CTNNA3: variants seen among roughly 807,000 people sequenced by gnomAD.
CTNNA3 encodes catenin alpha-3.
In CTNNA3, 76 loss-of-function variants were observed where a neutral mutation model predicts 95.7. The ratio of observed to expected loss-of-function variants is 0.79; its 90% CI spans 0.66 to 0.96. The LOEUF (loss-of-function observed/expected upper bound fraction) is 0.96, where lower values mean the gene tolerates loss of function less well. Among genes scored for constraint, CTNNA3 ranks in the 40% least tolerant of loss-of-function variants. The probability of loss-of-function intolerance (pLI) is 0.00; values close to 1 mark genes in which losing one functional copy is unlikely to be tolerated. For synonymous variants in CTNNA3, 431 were observed against 374.4 expected, an observed-to-expected ratio of 1.15 and a Z score of -1.74; for missense variants, 1,191 against 1,089.8, an observed-to-expected ratio of 1.09 and a Z score of -1.31.
At chr10:66,034,588 G>A (rs1055973431) in intron 15 of CTNNA3, among the ~76,000 whole-genome samples, 5 of 152,066 alleles carry the variant, frequency 3.3e-5, no homozygotes, top group African/African-American at 1.2e-4. Flanking sequence ...ACCTTTATTT[G>A]TATAATTTCT....
At chr10:66,782,008 A>C (rs1840555679) in intron 7 of CTNNA3, among the ~76,000 whole-genome samples, 1 of 152,160 alleles carries the variant, frequency 6.6e-6, no homozygotes, top group African/African-American at 2.4e-5. Context: ...TAAACTCAAT[A>C]TATCTGTTAT....
At chr10:67,398,963 A>G (rs1844816491) in intron 5 of CTNNA3, among the ~76,000 whole-genome samples, 1 of 152,208 alleles carries the variant, frequency 6.6e-6, no homozygotes, top group South Asian at 2.1e-4. Flanking sequence ...TTTCCTTCAT[A>G]AATTACCCAG....
chr10:66,804,340 C>G (rs1157439169), intron 7 of CTNNA3, among the ~76,000 whole-genome samples: 1 of 151,818 alleles, frequency 6.6e-6, no homozygotes, highest in African/African-American at 2.4e-5. Flanking sequence ...CTCCAGCTGC[C>G]CCAGTGCCTC....
chr10:65,925,014 A>G (rs1038711598), intron 17 of CTNNA3, among the ~76,000 whole-genome samples: 4 of 152,164 alleles, frequency 2.6e-5, no homozygotes, highest in Admixed American at 2.0e-4. Flanking sequence ...CCCATGACAC[A>G]TGGGGATTAC....
At chr10:66,066,795 A>T (rs1249383081) in intron 15 of CTNNA3, among the ~76,000 whole-genome samples, 2 of 152,202 alleles carry the variant, frequency 1.3e-5, no homozygotes, top group African/African-American at 4.8e-5. Context: ...ATAAAACAAA[A>T]CAAAGACAAA....
chr10:67,149,550 A>G (rs1860999236), intron 7 of CTNNA3, among the ~76,000 whole-genome samples: 1 of 152,150 alleles, frequency 6.6e-6, no homozygotes, highest in African/African-American at 2.4e-5. Flanking sequence ...GCGCCACTGC[A>G]CTCCAGCCTG....
At chr10:66,679,475 G>A (rs1281399473) in intron 9 of CTNNA3, among the ~76,000 whole-genome samples, 1 of 152,158 alleles carries the variant, frequency 6.6e-6, no homozygotes, top group Non-Finnish European at 1.5e-5. Context: ...GGTAGAAACA[G>A]GAGTCTGTAG....
At chr10:66,606,654 T>A (rs1844132580) in intron 10 of CTNNA3, among the ~76,000 whole-genome samples, 1 of 152,066 alleles carries the variant, frequency 6.6e-6, no homozygotes, top group African/African-American at 2.4e-5. Flanking sequence ...ATTACATGAA[T>A]AACCTACTCC....
intron 15 of CTNNA3, among the ~76,000 whole-genome samples, chr10:66,062,298 C>A (rs1397548135): frequency 6.6e-6 from 1 of 151,922 alleles, no homozygotes; most frequent in Non-Finnish European, 1.5e-5. Flanking sequence ...GCTATTTTTT[C>A]TTTTATTATT....
intron 13 of CTNNA3, among the ~76,000 whole-genome samples, chr10:66,103,984 A>G (rs1206113138): frequency 6.6e-6 from 1 of 152,246 alleles, no homozygotes; most frequent in East Asian, 1.9e-4. Context: ...CTATGTGGTT[A>G]CTGCAAACCA....
intron 9 of CTNNA3, among the ~76,000 whole-genome samples, chr10:66,629,015 TTACTCC>T (rs1845039854): frequency 6.6e-6 from 1 of 151,982 alleles, no homozygotes; most frequent in Non-Finnish European, 1.5e-5. Flanking sequence ...AAACATGAGG[TTACTCC>T]TTCAATGAGA....
chr10:67,399,011 C>G (rs187914733), intron 5 of CTNNA3, among the ~76,000 whole-genome samples: 2 of 151,546 alleles, frequency 1.3e-5, no homozygotes, highest in Admixed American at 6.6e-5. Flanking sequence ...GAGAACAGAA[C>G]GAATACACTA....
intron 13 of CTNNA3, among the ~76,000 whole-genome samples, chr10:66,133,289 T>G (rs972276284): frequency 4.0e-5 from 6 of 151,486 alleles, no homozygotes; most frequent in Non-Finnish European, 7.4e-5. Context: ...CCAAGACAGG[T>G]GGATTACTTG....
At chr10:67,579,394 T>C (rs1001568600) in intron 3 of CTNNA3, among the ~76,000 whole-genome samples, 2 of 152,108 alleles carry the variant, frequency 1.3e-5, no homozygotes, top group Non-Finnish European at 2.9e-5. Flanking sequence ...CATCCTTTTT[T>C]ATGGCTGCAT....
intron 17 of CTNNA3, among the ~76,000 whole-genome samples, chr10:65,926,963 T>C (rs2077177257): frequency 6.6e-6 from 1 of 152,182 alleles, no homozygotes; most frequent in Admixed American, 6.5e-5. Context: ...ATAATCCTTA[T>C]ATATTTTTCT....
At chr10:66,551,534 C>T (rs1040691165) in intron 10 of CTNNA3, among the ~76,000 whole-genome samples, 36 of 152,084 alleles carry the variant, frequency 2.4e-4, no homozygotes, top group Admixed American at 1.8e-3. Context: ...ACCACTGTTT[C>T]CTCAACTTCT....
chr10:66,104,091 G>T (rs988562579), intron 13 of CTNNA3, among the ~76,000 whole-genome samples: 1 of 152,058 alleles, frequency 6.6e-6, no homozygotes, highest in Non-Finnish European at 1.5e-5. Flanking sequence ...AAATTTTAGG[G>T]ACTTAATAAA....
At chr10:67,509,640 T>C (rs1839544474) in intron 5 of CTNNA3, among the ~76,000 whole-genome samples, 1 of 152,230 alleles carries the variant, frequency 6.6e-6, no homozygotes, top group Non-Finnish European at 1.5e-5. Flanking sequence ...TGAATAGTGC[T>C]GCAATAAACA....
intron 5 of CTNNA3, among the ~76,000 whole-genome samples, chr10:67,433,680 T>C (rs1352666313): frequency 6.6e-6 from 1 of 152,058 alleles, no homozygotes; most frequent in East Asian, 1.9e-4. Flanking sequence ...TGAAAATATG[T>C]ATTGGATGAA....
Sources: gnomAD v4.1 joint callset for allele counts (sites outside exome capture counted in the v4.1 genomes callset) on GRCh38, gnomAD v4.1.1 for gene constraint, MANE v1.5 for transcripts, NCBI Gene and HGNC (gene_info 2026-07-23, HGNC 2026-07-21) for gene names.